CTIF: variants seen among roughly 807,000 people sequenced by gnomAD.
The protein encoded by CTIF is cap binding complex dependent translation initiation factor.
A neutral mutation model predicts 66.0 loss-of-function variants in CTIF; 21 were observed. The observed-to-expected ratio is 0.32, with a 90% CI of 0.23 to 0.46. The LOEUF is 0.46. CTIF is among the 20% of genes least tolerant of loss of function. The pLI, the probability that CTIF is intolerant of heterozygous loss-of-function variation, is 1.00. For synonymous variants in CTIF, 345 were observed against 326.4 expected (o/e 1.06, Z -0.62); for missense variants, 739 against 812.7 (o/e 0.91, Z 1.10).
chr18:48,763,718 G>A (rs1294878772), intron 9 of CTIF, among the ~76,000 whole-genome samples: 3 of 152,192 alleles, frequency 2.0e-5, no homozygotes, highest in African/African-American at 7.2e-5. Context: ...GAAAGTGCAA[G>A]CAACAGCCTT....
Position 48,730,706 on chromosome 18 carries a change from G to A in CTIF, c.584+19011G>A, listed in dbSNP as rs907155393. Among the ~76,000 whole-genome samples the A allele has an allele frequency of 5.0e-3, 170 of 33,846 alleles. 30 individuals are homozygous for A. In the East Asian group the frequency reaches 0.18, roughly 35 times the overall value. 22.2% of individuals were successfully genotyped at this position (33,846 alleles called of 152,430 possible). On this transcript the variant is annotated intron_variant, in intron 7 of 11. Coordinates refer to ENST00000256413, the MANE Select transcript of CTIF (RefSeq NM_014772.3). The stretch of plus-strand genomic sequence containing the variant: ...TGTGAGGAGCCCCTGAGGTGTGAGG[G>A]GCTTCCGCGGTGTGAGGGGCTTCCG...
At chr18:48,546,798 G>A (rs1191184353) in intron 1 of CTIF, among the ~76,000 whole-genome samples, 2 of 152,186 alleles carry the variant, frequency 1.3e-5, no homozygotes, top group African/African-American at 2.4e-5. Flanking sequence ...ACAGCAGCCC[G>A]TCCGCATGGG....
rs759011311 is a variant in CTIF, at chr18:48,758,262, C to A, written c.928C>A (p.Arg310=). The change falls in exon 8 of 12, where the codon CGG becomes AGG. Residue 310 remains arginine (R), a synonymous_variant. Transcript: ENST00000256413. ...CACCCTGGCCCCGGTGGCTTCTGAGCGGCTGCCCCCACAGCAGTCAGGGGG... is the reference window on the plus strand; with the variant it reads ...CACCCTGGCCCCGGTGGCTTCTGAGAGGCTGCCCCCACAGCAGTCAGGGGG... The part of the protein sequence containing the change: ...PDTLAPVASE[R]LPPQQSGGPE... 6.2e-7 allele frequency: 1 copy of A among 1,613,452 alleles called. No homozygotes were observed. The highest frequency in any genetic ancestry group is 1.3e-5 in the African/African-American group (1 of 75,004).
In CTIF at chr18:48,780,802, C is replaced by T. The variant is rs1004351334; in HGVS notation, c.1371+19113C>T. On this transcript the variant is annotated intron_variant, in intron 9 of 11. Coordinates refer to ENST00000256413, the MANE Select transcript of CTIF (RefSeq NM_014772.3). ...TGGCCAGAGGCCATTTCAGCATGAC[C>T]AGCATTTATGGATCTCCTTCTGTGT... Among the ~76,000 whole-genome samples, 25 of 152,202 alleles carry T rather than the reference C, an allele frequency of 1.6e-4. 1 individual carries two copies. The highest frequency in any genetic ancestry group is 1.4e-3 in the Admixed American group (21 of 15,282).
At chr18:48,814,796 A>G (rs1435320555) in intron 9 of CTIF, among the ~76,000 whole-genome samples, 2 of 152,208 alleles carry the variant, frequency 1.3e-5, no homozygotes, top group Admixed American at 6.5e-5. Flanking sequence ...AAAGCTGTCA[A>G]AGATGCTGGG....
Position 48,664,468 on chromosome 18 carries a change from G to A in CTIF, c.348G>A (p.Gln116=), listed in dbSNP as rs1288971668. ...CTAGTGGTGCCACCTGGGACCTGCA[G>A]CCGGAAAAGCTGGACTTCACCCAGT... ...DSFSGATWDL[Q]PEKLDFTQFH... The change falls in exon 5 of 12, where the codon CAG becomes CAA. Residue 116 remains glutamine (Q), a synonymous_variant. Transcript: ENST00000256413. 6.2e-7 allele frequency: 1 copy of A among 1,613,596 alleles called. No individual in the cohort carries two copies. The highest frequency in any genetic ancestry group is 1.3e-5 in the African/African-American group (1 of 74,928).
At position 48,588,749 on chromosome 18, in the gene CTIF, G is replaced by A. The variant is rs73956935; in HGVS notation, c.-28-30789G>A. ...ATCCAAATTTAAAACAAAGAACACC[G>A]CTGTCCTGTGGCGGGCTCCCTGCGG... On this transcript the variant is annotated intron_variant, in intron 1 of 11. Transcript: ENST00000256413. Among the ~76,000 whole-genome samples the A allele has an allele frequency of 2.9e-3, 440 of 152,312 alleles. 1 individual carries two copies. Among genetic ancestry groups the A allele is most frequent in the African/African-American group, 9.9e-3 (412 of 41,572 alleles).
chr18:48,645,136 G>A (rs542872031), intron 3 of CTIF, among the ~76,000 whole-genome samples: 31 of 152,182 alleles, frequency 2.0e-4, no homozygotes, highest in African/African-American at 3.4e-4. Flanking sequence ...TAAAATGAAC[G>A]TAAGAAGACT....
intron 3 of CTIF, among the ~76,000 whole-genome samples, chr18:48,643,964 A>T (rs1454229599): frequency 6.6e-6 from 1 of 152,154 alleles, no homozygotes; most frequent in Non-Finnish European, 1.5e-5. Context: ...TTCAGAAGGC[A>T]TCTCAGCATA....
At chr18:48,601,243 C>T (rs1410741368) in intron 1 of CTIF, among the ~76,000 whole-genome samples, 1 of 152,240 alleles carries the variant, frequency 6.6e-6, no homozygotes, top group African/African-American at 2.4e-5. Context: ...CCCGGCGATT[C>T]CAGGCTCCCA....
intron 1 of CTIF, 48 bp from the exon 2 acceptor site, chr18:48,619,490 T>C: frequency 1.6e-6 from 2 of 1,251,426 alleles, no homozygotes; most frequent in Non-Finnish European, 2.1e-6. Flanking sequence ...GGCATCGTCG[T>C]CTCCTCCAGC....
intron 3 of CTIF, among the ~76,000 whole-genome samples, chr18:48,642,810 T>A (rs1054816339): frequency 5.3e-5 from 8 of 152,104 alleles, no homozygotes; most frequent in African/African-American, 1.9e-4. Context: ...AGGGCACAGC[T>A]TGGTGGGGCA....
In CTIF at chr18:48,730,406, C is replaced by CGCGGTGTG. The variant is rs1568171403; in HGVS notation, c.584+18711_584+18712insGCGGTGTG. 5.6e-5 allele frequency among the ~76,000 whole-genome samples: 6 copies of CGCGGTGTG among 107,232 alleles called. 1 individual carries two copies. The highest frequency in any genetic ancestry group is 9.2e-5 in the Admixed American group (1 of 10,828). The allele number at this position is 107,232 out of a possible 152,430, so 70.3% of individuals were successfully genotyped here. On this transcript the variant is annotated intron_variant, in intron 7 of 11. Coordinates refer to ENST00000256413, the MANE Select transcript of CTIF (RefSeq NM_014772.3). ...GGGCTCCTGCTGTGTGAGGGGCTTC[C>CGCGGTGTG]ACGGTGTGTGGGGCCCCTGCGCTGT...
chr18:48,785,971 C>T (rs1346064863), intron 9 of CTIF, among the ~76,000 whole-genome samples: 1 of 152,126 alleles, frequency 6.6e-6, no homozygotes, highest in Admixed American at 6.5e-5. Flanking sequence ...CACAGCAACC[C>T]CGCCAGGGTT....
intron 7 of CTIF, among the ~76,000 whole-genome samples, chr18:48,753,118 T>C (rs1598979634): frequency 6.6e-6 from 1 of 152,206 alleles, no homozygotes; most frequent in Non-Finnish European, 1.5e-5. Flanking sequence ...ACTCAGGGCA[T>C]GTGTAGGTGG....
intron 10 of CTIF, among the ~76,000 whole-genome samples, chr18:48,824,903 A>G (rs1417166208): frequency 6.6e-6 from 1 of 152,110 alleles, no homozygotes; most frequent in Non-Finnish European, 1.5e-5. Flanking sequence ...CGGCCTCCCA[A>G]AGTGCTGAGA....
At chr18:48,633,782 A>G (rs1342404141) in intron 2 of CTIF, among the ~76,000 whole-genome samples, 3 of 152,190 alleles carry the variant, frequency 2.0e-5, no homozygotes, top group Non-Finnish European at 4.4e-5. Flanking sequence ...TATTTTACGT[A>G]TGTATGAATA....
chr18:48,599,930 C>T (rs969407725), intron 1 of CTIF, among the ~76,000 whole-genome samples: 3 of 152,184 alleles, frequency 2.0e-5, no homozygotes, highest in African/African-American at 7.2e-5. Context: ...TGAGCCAGCC[C>T]AGTGACCTCA....
intron 7 of CTIF, among the ~76,000 whole-genome samples, chr18:48,725,493 C>T (rs2092378654): frequency 1.3e-5 from 2 of 152,156 alleles, no homozygotes; most frequent in African/African-American, 4.8e-5. Context: ...CCTTACTCTA[C>T]AAGCAGTCAA....
Sources: allele counts gnomAD v4.1 joint callset (sites outside exome capture counted in the v4.1 genomes callset), GRCh38; gene constraint gnomAD v4.1.1; transcripts MANE v1.5; gene names NCBI Gene and HGNC (gene_info 2026-07-23, HGNC 2026-07-21).